The following GSK3B variants were observed in gnomAD, a reference collection of about 807,000 sequenced individuals.
GSK3B encodes glycogen synthase kinase-3 beta.
GSK3B carries 15 observed loss-of-function variants against 56.4 expected under a neutral mutation model. The observed-to-expected ratio is 0.27, with a 90% CI of 0.18 to 0.41. The LOEUF (loss-of-function observed/expected upper bound fraction) is 0.41, where lower values mean the gene tolerates loss of function less well. Among genes scored for constraint, GSK3B ranks in the 10% least tolerant of loss-of-function variants. The pLI, the probability that GSK3B is intolerant of heterozygous loss-of-function variation, is 1.00. For missense variants in GSK3B, 300 were observed against 513.4 expected, an observed-to-expected ratio of 0.58 and a Z score of 4.02; for synonymous variants, 181 against 188.9, an observed-to-expected ratio of 0.96 and a Z score of 0.34.
At chr3:120,037,398 C>T (rs1312427515) in intron 1 of GSK3B, among the ~76,000 whole-genome samples, 1 of 152,134 alleles carries the variant, frequency 6.6e-6, no homozygotes, top group African/African-American at 2.4e-5. Flanking sequence ...ATGAGCTTCT[C>T]CATCCAGAAA....
chr3:119,833,890 G>T (rs907880895), intron 10 of GSK3B, among the ~76,000 whole-genome samples: 1 of 151,744 alleles, frequency 6.6e-6, no homozygotes, highest in East Asian at 1.9e-4. Context: ...TAGAGATGGG[G>T]TTTCGCCATG....
At chr3:120,075,188 G>C (rs2058358274) in intron 1 of GSK3B, among the ~76,000 whole-genome samples, 1 of 152,146 alleles carries the variant, frequency 6.6e-6, no homozygotes, top group Non-Finnish European at 1.5e-5. Flanking sequence ...AAACTTTCTT[G>C]ATAAAAACTC....
chr3:119,896,916 C>T (rs2056573940), intron 7 of GSK3B, among the ~76,000 whole-genome samples: 1 of 152,134 alleles, frequency 6.6e-6, no homozygotes, highest in Non-Finnish European at 1.5e-5. Flanking sequence ...AAAGGCAACC[C>T]TGCACAAGAA....
At chr3:119,836,495 A>G (rs1336419959) in intron 10 of GSK3B, among the ~76,000 whole-genome samples, 1 of 152,222 alleles carries the variant, frequency 6.6e-6, no homozygotes, top group African/African-American at 2.4e-5. Flanking sequence ...AGTCCAAGAA[A>G]CAAATCTAAA....
intron 2 of GSK3B, among the ~76,000 whole-genome samples, chr3:119,965,013 A>C (rs2057305666): frequency 1.3e-5 from 2 of 149,888 alleles, no homozygotes; most frequent in Admixed American, 6.6e-5. Flanking sequence ...TAATTGAATT[A>C]TAGGTTTTTG....
At chr3:119,919,906 A>G (rs77396310) in intron 4 of GSK3B, among the ~76,000 whole-genome samples, 18 of 144,528 alleles carry the variant, frequency 1.2e-4, no homozygotes, top group Admixed American at 3.3e-4. Flanking sequence ...TTTTTAACTG[A>G]AAAAAAAGAG....
chr3:119,860,513 C>T (rs1019626752), intron 9 of GSK3B, among the ~76,000 whole-genome samples: 5 of 152,134 alleles, frequency 3.3e-5, no homozygotes, highest in Non-Finnish European at 7.3e-5. Context: ...TCTCTCCTTC[C>T]TCTATCTGAA....
At chr3:119,933,998 A>G (rs1378067140) in intron 3 of GSK3B, among the ~76,000 whole-genome samples, 1 of 152,240 alleles carries the variant, frequency 6.6e-6, no homozygotes, top group African/African-American at 2.4e-5. Context: ...ATATCCACAA[A>G]TCCACACTGA....
chr3:119,937,998 T>C (rs1021695632), intron 3 of GSK3B, among the ~76,000 whole-genome samples: 10 of 151,948 alleles, frequency 6.6e-5, no homozygotes, highest in African/African-American at 2.2e-4. Flanking sequence ...AATAATCGTA[T>C]GTTAACATAT....
At chr3:120,021,981 A>G (rs1417036397) in intron 1 of GSK3B, among the ~76,000 whole-genome samples, 1 of 152,204 alleles carries the variant, frequency 6.6e-6, no homozygotes, top group Non-Finnish European at 1.5e-5. Flanking sequence ...TGATCACTTG[A>G]GTCTAAGAGT....
intron 7 of GSK3B, among the ~76,000 whole-genome samples, chr3:119,885,540 T>C (rs1052024184): frequency 1.3e-5 from 2 of 152,040 alleles, no homozygotes; most frequent in Non-Finnish European, 2.9e-5. Flanking sequence ...TCCACAGAAC[T>C]AGAAGAAACT....
intron 2 of GSK3B, 73 bp from the exon 3 acceptor site, chr3:119,947,424 G>A (rs2057111475): frequency 1.1e-6 from 1 of 931,772 alleles, no homozygotes. Context: ...AGATGCTTCT[G>A]AAATAACATT....
intron 1 of GSK3B, among the ~76,000 whole-genome samples, chr3:120,040,494 CAAGG>C (rs1410281146): frequency 6.6e-6 from 1 of 151,988 alleles, no homozygotes; most frequent in East Asian, 1.9e-4. Flanking sequence ...ACAAGCTCCC[CAAGG>C]AAGAATAGGC....
chr3:119,838,687 T>C (rs768292471), intron 10 of GSK3B, among the ~76,000 whole-genome samples: 6 of 152,230 alleles, frequency 3.9e-5, no homozygotes, highest in Non-Finnish European at 5.9e-5. Flanking sequence ...TTTCCTACTG[T>C]TGACCATTCA....
chr3:120,090,494 T>A (rs2058502377), intron 1 of GSK3B, among the ~76,000 whole-genome samples: 1 of 152,184 alleles, frequency 6.6e-6, no homozygotes, highest in Non-Finnish European at 1.5e-5. Flanking sequence ...CAATTAACAA[T>A]ATAACTTAGC....
intron 3 of GSK3B, among the ~76,000 whole-genome samples, chr3:119,931,598 G>T (rs2056946336): frequency 6.6e-6 from 1 of 152,000 alleles, no homozygotes; most frequent in Non-Finnish European, 1.5e-5. Context: ...CTAGGTGACA[G>T]AGCAAGACTG....
intron 6 of GSK3B, 115 bp from the exon 7 acceptor site, chr3:119,905,967 T>A: frequency 1.5e-6 from 1 of 685,946 alleles, no homozygotes; most frequent in Non-Finnish European, 2.6e-6. Flanking sequence ...AGGAAAAGAT[T>A]ATACAATCCA....
At chr3:119,903,721 A>T (rs2056648993) in intron 7 of GSK3B, among the ~76,000 whole-genome samples, 1 of 152,214 alleles carries the variant, frequency 6.6e-6, no homozygotes, top group African/African-American at 2.4e-5. Context: ...ATGAATTAAA[A>T]TTAATGACAA....
rs1455323431 is a variant in GSK3B at position 119,869,245 on chromosome 3, A to AAAAAAC, written c.910-5641_910-5640insGTTTTT. On this transcript the variant is annotated intron_variant, in intron 8 of 10. Coordinates refer to ENST00000264235, the MANE Select transcript of GSK3B (RefSeq NM_001146156.2). ...TCTCAAAAAAAAAAAAAAAAAAAAA[A>AAAAAAC]ACATATATTCTTTGGCAGTCTTTCA... is the stretch of plus-strand genomic sequence containing the variant. Among the ~76,000 whole-genome samples the AAAAAAC allele has an allele frequency of 6.5e-3, 964 of 149,222 alleles. 25 individuals carry two copies. The highest frequency in any genetic ancestry group is 0.023 in the African/African-American group (926 of 39,420).
Sources: allele counts gnomAD v4.1 joint callset (sites outside exome capture counted in the v4.1 genomes callset), GRCh38; gene constraint gnomAD v4.1.1; transcripts MANE v1.5; gene names NCBI Gene and HGNC (gene_info 2026-07-23, HGNC 2026-07-21).